The following RGS6 variants were observed in gnomAD, a reference collection of about 807,000 sequenced individuals.
RGS6 encodes regulator of G-protein signaling 6.
In RGS6, 30 loss-of-function variants were observed where a neutral mutation model predicts 78.5. The ratio of observed to expected loss-of-function variants is 0.38; its 90% CI spans 0.29 to 0.52. RGS6 has a LOEUF of 0.52. Ranked by LOEUF, RGS6 falls within the 20% of genes least tolerant of loss-of-function variation. The probability of loss-of-function intolerance (pLI) is 0.85; values close to 1 mark genes in which losing one functional copy is unlikely to be tolerated. For missense variants in RGS6, 495 were observed against 609.7 expected (o/e 0.81, Z 1.98); for synonymous variants, 206 against 206.0 (o/e 1.00, Z 0.00).
At chr14:72,003,271 A>T (rs1438156365) in intron 2 of RGS6, among the ~76,000 whole-genome samples, 3 of 152,138 alleles carry the variant, frequency 2.0e-5, no homozygotes, top group South Asian at 2.1e-4. Flanking sequence ...ATACTATACA[A>T]TCCACCCATG....
At chr14:72,439,605 C>T (rs571925578) in intron 3 of RGS6, among the ~76,000 whole-genome samples, 206 of 152,316 alleles carry the variant, frequency 1.4e-3, no homozygotes, top group African/African-American at 4.7e-3. Context: ...TTCTCTCCTC[C>T]ACATCTGAGC....
intron 3 of RGS6, among the ~76,000 whole-genome samples, chr14:72,444,376 GA>G (rs1343205740): frequency 1.3e-5 from 2 of 152,048 alleles, no homozygotes. Flanking sequence ...GGAGGGAGGT[GA>G]GGGGGGATGG....
chr14:72,542,920 G>T (rs2097345333), intron 17 of RGS6, among the ~76,000 whole-genome samples: 1 of 152,196 alleles, frequency 6.6e-6, no homozygotes, highest in Non-Finnish European at 1.5e-5. Context: ...GTTCATGGAA[G>T]CTTTTAGGGC....
At chr14:72,262,266 C>A (rs535328901) in intron 2 of RGS6, among the ~76,000 whole-genome samples, 9 of 152,212 alleles carry the variant, frequency 5.9e-5, no homozygotes, top group Non-Finnish European at 1.3e-4. Flanking sequence ...TAAGCAAGTA[C>A]CACAGACTGG....
the RGS6 span, among the ~76,000 whole-genome samples, chr14:71,921,189 A>C: frequency 6.6e-6 from 1 of 152,258 alleles, no homozygotes; most frequent in Non-Finnish European, 1.5e-5. Context: ...CTATCATTGA[A>C]AAGACAAAAA....
At chr14:72,510,817 G>T (rs1394037225) in intron 14 of RGS6, among the ~76,000 whole-genome samples, 2 of 152,180 alleles carry the variant, frequency 1.3e-5, no homozygotes, top group Non-Finnish European at 2.9e-5. Context: ...CTTTTAGAAT[G>T]ACTTCTGTCG....
intron 2 of RGS6, among the ~76,000 whole-genome samples, chr14:72,024,414 A>G (rs1259671702): frequency 1.3e-5 from 2 of 152,002 alleles, no homozygotes; most frequent in African/African-American, 4.8e-5. Context: ...GGGATTTAAA[A>G]CCAGTTCTAT....
rs2096669129 is a variant in RGS6, at chr14:72,498,125, T to C, written c.965+2863T>C. Among the ~76,000 whole-genome samples, 8 of 152,248 alleles carry C rather than the reference T, an allele frequency of 5.3e-5. No individual in the cohort carries two copies. In the South Asian group the frequency reaches 1.7e-3, roughly 31 times the overall value. ...GGAGAGTGGTTGATAATCAAGCTTT[T>C]CATTTCCAAGACTTCTTAATACTTC... is the stretch of plus-strand genomic sequence containing the variant. On this transcript the variant is annotated intron_variant, in intron 13 of 17. Coordinates refer to ENST00000553525, the MANE Select transcript of RGS6 (RefSeq NM_001204424.2).
intron 3 of RGS6, among the ~76,000 whole-genome samples, chr14:72,414,964 T>TG (rs1287510174): frequency 3.3e-5 from 5 of 152,108 alleles, no homozygotes; most frequent in Non-Finnish European, 7.4e-5. Flanking sequence ...CTGCCCCTAC[T>TG]GGGGGGGTGC....
chr14:72,412,800 T>A (rs1488613479), intron 3 of RGS6, among the ~76,000 whole-genome samples: 1 of 152,200 alleles, frequency 6.6e-6, no homozygotes, highest in Non-Finnish European at 1.5e-5. Flanking sequence ...AGAACATCTT[T>A]ATGTCTGCCT....
At chr14:72,454,638 A>G (rs2095583049) in intron 4 of RGS6, 60 bp downstream of exon 4, 1 of 1,424,104 alleles carries the variant, frequency 7.0e-7, no homozygotes, top group African/African-American at 1.4e-5. Context: ...CCCATAACCA[A>G]GTTCCAAACT....
At chr14:72,011,638 G>A (rs1306637871) in intron 2 of RGS6, among the ~76,000 whole-genome samples, 4 of 151,968 alleles carry the variant, frequency 2.6e-5, no homozygotes, top group Non-Finnish European at 1.5e-5. Flanking sequence ...TATTTACATA[G>A]CATTTATATT....
At chr14:72,501,485 C>T (rs1006419613) in intron 13 of RGS6, among the ~76,000 whole-genome samples, 2 of 152,118 alleles carry the variant, frequency 1.3e-5, no homozygotes, top group Admixed American at 6.5e-5. Context: ...ACTCCACTCC[C>T]GCCTGGGTGA....
intron 2 of RGS6, among the ~76,000 whole-genome samples, chr14:72,040,332 C>T (rs2092279511): frequency 1.3e-5 from 2 of 151,944 alleles, no homozygotes; most frequent in Admixed American, 6.6e-5. Context: ...ATGAACTCTC[C>T]CAGCCTTTGT....
intron 2 of RGS6, among the ~76,000 whole-genome samples, chr14:72,301,460 C>T (rs1184611470): frequency 1.3e-5 from 2 of 151,914 alleles, no homozygotes; most frequent in Non-Finnish European, 2.9e-5. Flanking sequence ...GTCTTAGTTT[C>T]TCAATGTGGA....
chr14:72,494,866 A>G (rs559534450), intron 12 of RGS6, among the ~76,000 whole-genome samples: 1 of 152,186 alleles, frequency 6.6e-6, no homozygotes, highest in Non-Finnish European at 1.5e-5. Context: ...AGGCTAGCAT[A>G]ACCAGGGAGA....
chr14:72,264,726 A>C (rs965812163), intron 2 of RGS6, among the ~76,000 whole-genome samples: 1 of 152,264 alleles, frequency 6.6e-6, no homozygotes, highest in African/African-American at 2.4e-5. Flanking sequence ...GGAGTTCAAG[A>C]GAATTTTCAA....
In RGS6 at chr14:72,405,923, G is replaced by C. The variant is rs569688775; in HGVS notation, c.185-48605G>C. 3.5e-3 allele frequency among the ~76,000 whole-genome samples: 531 copies of C among 152,316 alleles called. 5 individuals are homozygous for C. The highest frequency in any genetic ancestry group is 0.012 in the African/African-American group (509 of 41,570). On this transcript the variant is annotated intron_variant, in intron 3 of 17. Coordinates refer to ENST00000553525, the MANE Select transcript of RGS6 (RefSeq NM_001204424.2). ...GTATTGGTTTCTCAGGGCTGCTGTG[G>C]TCTTCATAGAAGATGACCCGCGTAT...
the RGS6 span, among the ~76,000 whole-genome samples, chr14:71,893,969 C>A: frequency 6.6e-6 from 1 of 152,088 alleles, no homozygotes; most frequent in African/African-American, 2.4e-5. Context: ...GCTCCTTTTG[C>A]TAGGGAGTTT....
Sources: allele counts gnomAD v4.1 joint callset (sites outside exome capture counted in the v4.1 genomes callset), GRCh38; gene constraint gnomAD v4.1.1; transcripts MANE v1.5; gene names NCBI Gene and HGNC (gene_info 2026-07-23, HGNC 2026-07-21).